RPN1: variants seen among roughly 807,000 people sequenced by gnomAD.
RPN1 encodes dolichyl-diphosphooligosaccharide--protein glycosyltransferase subunit 1.
A neutral mutation model predicts 55.5 loss-of-function variants in RPN1; 12 were observed. The ratio of observed to expected loss-of-function variants is 0.22; its 90% confidence interval spans 0.14 to 0.35. The LOEUF is 0.35. Ranked by LOEUF, RPN1 falls within the 10% of genes least tolerant of loss-of-function variation. RPN1 has a pLI of 1.00. For missense variants in RPN1, 679 were observed against 761.3 expected, an observed-to-expected ratio of 0.89 and a Z score of 1.27; for synonymous variants, 317 against 305.9, an observed-to-expected ratio of 1.04 and a Z score of -0.38.
chr3:128,647,081 G>A (rs1255283564), intron 1 of RPN1, among the ~76,000 whole-genome samples: 2 of 152,046 alleles, frequency 1.3e-5, no homozygotes, highest in Non-Finnish European at 2.9e-5. Flanking sequence ...GGAAAAGGAT[G>A]TTCACTCCAG....
rs1001906561 is a variant in RPN1, at chr3:128,650,456, G to A, written c.261+84C>T. Reference sequence around the variant, plus strand: ...GTCTCCGCATTTCCTGAGGCCTAGAGGGGCGCGGGCGGAGTCGGGGGACCG... The same window carrying A: ...GTCTCCGCATTTCCTGAGGCCTAGAAGGGCGCGGGCGGAGTCGGGGGACCG... On this transcript the variant is annotated intron_variant, in intron 1 of 9. Transcript: ENST00000296255. The A allele has an allele frequency of 2.9e-6, 4 of 1,374,930 alleles. No homozygotes were observed. In the African/African-American group the frequency reaches 4.3e-5, roughly 15 times the overall value. The allele number at this position is 1,374,930 out of a possible 1,614,324, so 85.2% of individuals were successfully genotyped here. A position where few individuals can be genotyped will look rare whatever the true frequency, so the allele number is the denominator to read the frequency against.
chr3:128,629,475 T>C (rs1344792182), intron 5 of RPN1, among the ~76,000 whole-genome samples: 13 of 151,990 alleles, frequency 8.6e-5, no homozygotes. Flanking sequence ...GGCAGGAGAA[T>C]CGCTTGAACC....
chr3:128,640,251 C>T (rs1576798081), intron 2 of RPN1, among the ~76,000 whole-genome samples: 1 of 152,112 alleles, frequency 6.6e-6, no homozygotes, highest in Non-Finnish European at 1.5e-5. Context: ...AATCAGTTTT[C>T]CAAGCCAGGA....
rs777703913 is a variant in RPN1 at position 128,620,461 on chromosome 3, T to C, written c.1774A>G (p.Lys592Glu). Residue 592 changes from lysine to glutamate, a missense_variant, in exon 10 of 10, where the codon AAG becomes GAG. By Grantham distance (56) the Lys-to-Glu change is moderately conservative (BLOSUM62 1). Coordinates refer to ENST00000296255, the MANE Select transcript of RPN1 (RefSeq NM_002950.4). The stretch of plus-strand genomic sequence containing the variant: ...ATCTTGGTGACCAGCTCCTGGCGCT[T>C]TCCTGAGATGAGCTTCTCATTCTCA... ...YIENEKLISG[K>E]RQELVTKIDH... 6.2e-7 allele frequency: 1 copy of C among 1,614,038 alleles called. No individual in the cohort carries two copies. The highest frequency in any genetic ancestry group is 2.2e-5 in the East Asian group (1 of 44,872).
intron 1 of RPN1, among the ~76,000 whole-genome samples, chr3:128,646,841 C>T (rs766485921): frequency 1.5e-4 from 23 of 149,720 alleles, no homozygotes; most frequent in Admixed American, 4.7e-4. Flanking sequence ...GGTGTGGTGG[C>T]AGGCACCTTT....
At chr3:128,630,173 A>T in intron 4 of RPN1, 30 bp from the exon 5 acceptor site, 3 of 1,503,562 alleles carry the variant, frequency 2.0e-6, no homozygotes, top group Non-Finnish European at 2.7e-6. Flanking sequence ...CCCTTCTAAA[A>T]CTCCAGGAAC....
intron 3 of RPN1, among the ~76,000 whole-genome samples, chr3:128,634,511 T>C (rs1179369897): frequency 6.6e-6 from 1 of 151,654 alleles, no homozygotes; most frequent in East Asian, 1.9e-4. Flanking sequence ...GTGTCGATAG[T>C]GGTTGTGAAC....
In RPN1 at chr3:128,638,042, A is replaced by G. The variant is rs756266034; in HGVS notation, c.390T>C (p.Ile130=). ...ALDPGAKISV[I]VETVYTHVLH... Reference sequence around the variant, plus strand: ...GCACATGGGTGTAGACTGTTTCCACAATGACTGAAATCTTGGCCCCAGGAT... The same window carrying G: ...GCACATGGGTGTAGACTGTTTCCACGATGACTGAAATCTTGGCCCCAGGAT... Residue 130 remains isoleucine, a synonymous_variant, in exon 3 of 10, where the codon ATT becomes ATC. Transcript: ENST00000296255. 1.7e-5 allele frequency: 28 copies of G among 1,613,966 alleles called. 1 individual carries two copies. The South Asian group carries it at 2.4e-4, about 14-fold the overall frequency.
In RPN1 at chr3:128,638,060, C is replaced by A. The variant is rs138068615; in HGVS notation, c.372G>T (p.Gly124=). The change falls in exon 3 of 10, where the codon GGG becomes GGT. Residue 124 remains glycine, a synonymous_variant. Coordinates refer to ENST00000296255, the MANE Select transcript of RPN1 (RefSeq NM_002950.4). ...TTTCCACAATGACTGAAATCTTGGC[C>A]CCAGGATCAAGAGCAACTGGGAGCT... ...TVKLPVALDP[G]AKISVIVETV... 133 of 1,613,944 alleles carry A rather than the reference C, an allele frequency of 8.2e-5. No homozygotes were observed. In the African/African-American group the frequency reaches 1.5e-3, roughly 19 times the overall value.
In RPN1 at chr3:128,650,520, GA is replaced by G; in HGVS notation, c.261+19del. 1 of 1,519,858 alleles carries G rather than the reference GA, an allele frequency of 6.6e-7. No homozygotes were observed. Among genetic ancestry groups the G allele is most frequent in the Non-Finnish European group, 8.8e-7 (1 of 1,133,196 alleles). 94.1% of individuals were successfully genotyped at this position (1,519,858 alleles called of 1,614,324 possible). A position where few individuals can be genotyped will look rare whatever the true frequency, so the allele number is the denominator to read the frequency against. ...CGGGAAGGGTCCCGGGAGCGGCGGCGAGGGGTCGCCCACACTCACCTGCACG... is the reference window on the plus strand; with the variant it reads ...CGGGAAGGGTCCCGGGAGCGGCGGCGGGGGTCGCCCACACTCACCTGCACG... On this transcript the variant is annotated intron_variant, in intron 1 of 9. Transcript: ENST00000296255.
chr3:128,645,469 T>TAA (rs367842742), intron 1 of RPN1, among the ~76,000 whole-genome samples: 1 of 140,964 alleles, frequency 7.1e-6, no homozygotes. Context: ...AAATTCCATC[T>TAA]AAAAAAAAAA....
At chr3:128,638,459 A>G (rs2069700333) in intron 2 of RPN1, among the ~76,000 whole-genome samples, 1 of 152,170 alleles carries the variant, frequency 6.6e-6, no homozygotes, top group South Asian at 2.1e-4. Context: ...ACAGCTACAT[A>G]TCTGTCTTAG....
intron 8 of RPN1, among the ~76,000 whole-genome samples, chr3:128,625,184 G>A (rs13093855): frequency 6.6e-6 from 1 of 152,108 alleles, no homozygotes; most frequent in African/African-American, 2.4e-5. Flanking sequence ...CCAAGGGGGA[G>A]GTGGGGAGGG....
chr3:128,625,903 G>C lies in RPN1; in HGVS notation c.1246C>G (p.Leu416Val). 6.2e-7 allele frequency: 1 copy of C among 1,613,634 alleles called. No homozygotes were observed. The highest frequency in any genetic ancestry group is 8.5e-7 in the Non-Finnish European group (1 of 1,179,748). Residue 416 changes from leucine (L) to valine (V), a missense_variant, in exon 7 of 10, where the codon CTG (leucine) becomes GTG (valine). Physicochemically the swap from Leu to Val is conservative, Grantham distance 32 (BLOSUM62 1). Coordinates refer to ENST00000296255, the MANE Select transcript of RPN1 (RefSeq NM_002950.4). ...RPVIVAYKKNLVEQHIQDIVV... is the reference protein window; with the variant it reads ...RPVIVAYKKNVVEQHIQDIVV... ...ATGTCCTGAATGTGCTGTTCTACCAGATTTTTCTTGTAGGCAACAATCACA... is the reference window on the plus strand; with the variant it reads ...ATGTCCTGAATGTGCTGTTCTACCACATTTTTCTTGTAGGCAACAATCACA...
At chr3:128,649,242 A>T (rs2069794533) in intron 1 of RPN1, among the ~76,000 whole-genome samples, 1 of 152,220 alleles carries the variant, frequency 6.6e-6, no homozygotes, top group Non-Finnish European at 1.5e-5. Context: ...AGAAAAAATA[A>T]AAACAAGATA....
intron 2 of RPN1, among the ~76,000 whole-genome samples, chr3:128,643,284 G>A (rs1214317872): frequency 2.0e-5 from 3 of 148,892 alleles, no homozygotes; most frequent in Non-Finnish European, 3.0e-5. Flanking sequence ...CCGAGATCAC[G>A]CCACTGCACT....
At chr3:128,625,824 C>G in intron 7 of RPN1, 50 bp downstream of exon 7, 5 of 1,569,336 alleles carry the variant, frequency 3.2e-6, no homozygotes, top group Non-Finnish European at 4.3e-6. Flanking sequence ...GCCCCCAGAG[C>G]CCACTGTCTG....
At chr3:128,645,409 G>A (rs1313299933) in intron 1 of RPN1, among the ~76,000 whole-genome samples, 1 of 151,870 alleles carries the variant, frequency 6.6e-6, no homozygotes, top group Non-Finnish European at 1.5e-5. Flanking sequence ...GGCAGAGGTT[G>A]CAGCCGGCTG....
At chr3:128,634,681 G>A (rs2069664334) in intron 3 of RPN1, among the ~76,000 whole-genome samples, 1 of 151,740 alleles carries the variant, frequency 6.6e-6, no homozygotes, top group Non-Finnish European at 1.5e-5. Flanking sequence ...TCCTGCCTCG[G>A]CCTCTCAAGT....
Sources: gnomAD v4.1 joint callset for allele counts (sites outside exome capture counted in the v4.1 genomes callset) on GRCh38, gnomAD v4.1.1 for gene constraint, MANE v1.5 for transcripts, NCBI Gene and HGNC (gene_info 2026-07-23, HGNC 2026-07-21) for gene names.